BBS5: variants seen among roughly 807,000 people sequenced by gnomAD.
BBS5 encodes the protein BBSome complex member BBS5.
BBS5 carries 39 observed loss-of-function variants against 50.2 expected under a neutral mutation model. The observed-to-expected ratio is 0.78, with a 90% CI of 0.60 to 1.01. The LOEUF is 1.01. Among genes scored for constraint, BBS5 ranks in the 50% least tolerant of loss-of-function variants. The probability of loss-of-function intolerance (pLI) is 0.00; values close to 1 mark genes in which losing one functional copy is unlikely to be tolerated. For synonymous variants in BBS5, 134 were observed against 133.1 expected, an observed-to-expected ratio of 1.01 and a Z score of -0.05; for missense variants, 356 against 401.5, an observed-to-expected ratio of 0.89 and a Z score of 0.97.
At chr2:169,479,699 T>G (rs1037104944) in intron 1 of BBS5, 87 bp downstream of exon 1, 14 of 1,430,716 alleles carry the variant, frequency 9.8e-6, no homozygotes, top group Non-Finnish European at 1.4e-5. Flanking sequence ...AGACTGCACC[T>G]CCGCAGCTCG....
rs1574342623 is a variant in BBS5 at position 169,499,308 on chromosome 2, T to C, written c.682-178T>C. On this transcript the variant is annotated intron_variant, in intron 8 of 11. Coordinates refer to ENST00000295240, the MANE Select transcript of BBS5 (RefSeq NM_152384.3). ...GGATGATGGCTCCGTGGAGGCCCCC[T>C]TGTGCTCTTCTGTTTTTGTATGTGC... 1.1e-5 allele frequency: 7 copies of C among 612,050 alleles called. No homozygotes were observed. In the South Asian group the frequency reaches 1.2e-4, roughly 11 times the overall value. The allele number at this position is 612,050 out of a possible 1,614,324, so 37.9% of individuals were successfully genotyped here. A position where few individuals can be genotyped will look rare whatever the true frequency, so the allele number is the denominator to read the frequency against.
chr2:169,482,963 T>C (rs1187707447), intron 2 of BBS5, among the ~76,000 whole-genome samples: 1 of 152,176 alleles, frequency 6.6e-6, no homozygotes, highest in Non-Finnish European at 1.5e-5. Context: ...CCAGTAGGTC[T>C]TGAAAGCATC....
intron 2 of BBS5, among the ~76,000 whole-genome samples, chr2:169,483,022 T>G (rs768010765): frequency 6.6e-6 from 1 of 152,116 alleles, no homozygotes; most frequent in African/African-American, 2.4e-5. Flanking sequence ...GCTTAATGTA[T>G]CCAGAATATG....
At chr2:169,489,560 C>T (rs1683553273) in intron 5 of BBS5, among the ~76,000 whole-genome samples, 1 of 151,384 alleles carries the variant, frequency 6.6e-6, no homozygotes, top group African/African-American at 2.4e-5. Flanking sequence ...CCTGCCTCAG[C>T]CTCCCAGAGT....
intron 3 of BBS5, 194 bp from the exon 4 acceptor site, chr2:169,487,612 G>A (rs1379728933): frequency 2.3e-6 from 1 of 443,922 alleles, no homozygotes; most frequent in Middle Eastern, 6.4e-4. Context: ...TTTGTTCAAG[G>A]AGACAGAATT....
intron 5 of BBS5, among the ~76,000 whole-genome samples, chr2:169,491,625 C>G (rs1368689348): frequency 6.6e-6 from 1 of 151,862 alleles, no homozygotes; most frequent in Admixed American, 6.6e-5. Flanking sequence ...AATTCTCTTT[C>G]CCTCCCTCCC....
chr2:169,487,022 A>G, intron 2 of BBS5, 47 bp from the exon 3 acceptor site: 1 of 1,299,510 alleles, frequency 7.7e-7, no homozygotes, highest in Non-Finnish European at 1.1e-6. Context: ...TGCTGCAAAA[A>G]TGGGTTCTTA....
chr2:169,485,881 G>A (rs1412022039), intron 2 of BBS5, among the ~76,000 whole-genome samples: 1 of 152,208 alleles, frequency 6.6e-6, no homozygotes, highest in Admixed American at 6.5e-5. Context: ...TCTCAAAGCA[G>A]TCAGCTCCAT....
At chr2:169,483,089 G>T (rs1683429161) in intron 2 of BBS5, among the ~76,000 whole-genome samples, 1 of 152,210 alleles carries the variant, frequency 6.6e-6, no homozygotes, top group African/African-American at 2.4e-5. Context: ...TTGGAAAGGG[G>T]TAAGAGGGGA....
intron 7 of BBS5, among the ~76,000 whole-genome samples, chr2:169,494,235 T>A (rs1683654417): frequency 2.0e-5 from 3 of 152,188 alleles, no homozygotes; most frequent in Non-Finnish European, 4.4e-5. Flanking sequence ...CAGTTTTTCT[T>A]GGCTCTCTTG....
Position 169,492,927 on chromosome 2 carries a change from T to A in BBS5, c.440T>A (p.Ile147Asn). The change falls in exon 6 of 12, where the codon ATT becomes AAT. Residue 147 changes from isoleucine to asparagine, a missense_variant. Coordinates refer to ENST00000295240, the MANE Select transcript of BBS5 (RefSeq NM_152384.3). ...GATTTTAAATTAAGAAGTGCACTAA[T>A]TCAGAACAAGCAACTAAGACTGTTG... is the stretch of plus-strand genomic sequence containing the variant. Reference protein sequence around the residue: ...YRDFKLRSALIQNKQLRLLPQ... With the variant: ...YRDFKLRSALNQNKQLRLLPQ... 6.2e-7 allele frequency: 1 copy of A among 1,612,958 alleles called. No individual in the cohort carries two copies. Among genetic ancestry groups the A allele is most frequent in the South Asian group, 1.1e-5 (1 of 91,052 alleles).
At chr2:169,490,840 C>A (rs1391698226) in intron 5 of BBS5, among the ~76,000 whole-genome samples, 2 of 152,160 alleles carry the variant, frequency 1.3e-5, no homozygotes, top group African/African-American at 2.4e-5. Flanking sequence ...CCCCTGATAA[C>A]CTCTAACTTA....
intron 3 of BBS5, among the ~76,000 whole-genome samples, chr2:169,487,408 C>A (rs1302229477): frequency 6.6e-6 from 1 of 151,786 alleles, no homozygotes; most frequent in East Asian, 1.9e-4. Flanking sequence ...TTGATTAATC[C>A]CAAAGAAGGA....
intron 3 of BBS5, 41 bp downstream of exon 3, chr2:169,487,175 T>C: frequency 7.1e-7 from 1 of 1,411,346 alleles, no homozygotes. Flanking sequence ...AAAAAAATCC[T>C]TTGTCAGGTG....
intron 1 of BBS5, among the ~76,000 whole-genome samples, chr2:169,481,652 TTCTG>T (rs1363538691): frequency 2.0e-5 from 3 of 151,996 alleles, no homozygotes; most frequent in Admixed American, 1.3e-4. Context: ...GTAGAATGTA[TTCTG>T]TCTGTCAGCA....
intron 8 of BBS5, 113 bp downstream of exon 8, chr2:169,497,802 T>A: frequency 1.4e-6 from 1 of 718,376 alleles, no homozygotes; most frequent in Non-Finnish European, 2.5e-6. Flanking sequence ...ATATTAGCTT[T>A]AATATGAAGT....
At chr2:169,502,554 C>A (rs547363736) in intron 9 of BBS5, among the ~76,000 whole-genome samples, 6 of 152,230 alleles carry the variant, frequency 3.9e-5, no homozygotes, top group Non-Finnish European at 7.4e-5. Context: ...AAATTATAAA[C>A]CCTTTGTGAG....
Position 169,493,809 on chromosome 2 carries a change from T to A in BBS5, c.591T>A (p.Phe197Leu). ...IVWHANMNDS[F>L]NVSIPYLQIR... ...GGCATGCAAATATGAATGATAGTTTTAATGTCAGTATACCATATCTGCAAA... is the reference window on the plus strand; with the variant it reads ...GGCATGCAAATATGAATGATAGTTTAAATGTCAGTATACCATATCTGCAAA... Residue 197 changes from phenylalanine to leucine, a missense_variant, in exon 7 of 12, where the codon TTT becomes TTA. Coordinates refer to ENST00000295240, the MANE Select transcript of BBS5 (RefSeq NM_152384.3). The A allele has an allele frequency of 6.2e-7, 1 of 1,608,396 alleles. No homozygotes were observed. The highest frequency in any genetic ancestry group is 8.5e-7 in the Non-Finnish European group (1 of 1,174,916).
chr2:169,479,759 G>C (rs1018745480), intron 1 of BBS5, 147 bp downstream of exon 1: 7 of 911,050 alleles, frequency 7.7e-6, no homozygotes, highest in Non-Finnish European at 8.7e-6. Context: ...CGCCTCGAGA[G>C]ACCTCAGGCT....
Sources: allele counts gnomAD v4.1 joint callset (sites outside exome capture counted in the v4.1 genomes callset), GRCh38; gene constraint gnomAD v4.1.1; transcripts MANE v1.5; gene names NCBI Gene and HGNC (gene_info 2026-07-23, HGNC 2026-07-21).